The following SYT10 variants were observed in gnomAD, a reference collection of about 807,000 sequenced individuals.
SYT10 encodes synaptotagmin 10, also known as synaptotagmin-10.
Under a neutral mutation model 51.1 loss-of-function variants are expected in SYT10, and 31 were observed. That is an observed-to-expected ratio of 0.61 (90% CI 0.46 to 0.82). SYT10 has a LOEUF of 0.82. Ranked by LOEUF, SYT10 falls within the 40% of genes least tolerant of loss-of-function variation. The pLI, the probability that SYT10 is intolerant of heterozygous loss-of-function variation, is 0.00. For synonymous variants in SYT10, 233 were observed against 225.9 expected (o/e 1.03, Z -0.28); for missense variants, 603 against 634.0 (o/e 0.95, Z 0.53).
intron 2 of SYT10, among the ~76,000 whole-genome samples, chr12:33,425,615 C>T (rs1866543683): frequency 6.6e-6 from 1 of 152,106 alleles, no homozygotes. Context: ...AGCTCAAACA[C>T]AAAATGAAGT....
chr12:33,412,724 A>G lies in SYT10; in HGVS notation c.510-5368T>C, dbSNP rs1866418261. 2.6e-5 allele frequency among the ~76,000 whole-genome samples: 4 copies of G among 152,122 alleles called. No individual in the cohort carries two copies. The South Asian group carries it at 8.3e-4, about 32-fold the overall frequency. The stretch of plus-strand genomic sequence containing the variant: ...AAGACCAAAGGTAGATAAAACCACA[A>G]AGATGGGGAAAAAACAGAGCAGAAA... On this transcript the variant is annotated intron_variant, in intron 2 of 6. Transcript: ENST00000228567.
chr12:33,392,985 TAAAA>T (rs71068378), intron 3 of SYT10, among the ~76,000 whole-genome samples: 3,266 of 59,102 alleles, frequency 0.055, 84 homozygotes, highest in South Asian at 0.12. Flanking sequence ...TTTTTGCCAT[TAAAA>T]AAAAAAAAAA....
At chr12:33,388,064 T>C (rs187062609) in intron 3 of SYT10, among the ~76,000 whole-genome samples, 1 of 151,982 alleles carries the variant, frequency 6.6e-6, no homozygotes, top group South Asian at 2.1e-4. Context: ...GGGAAATTAA[T>C]AGCAGTAAGT....
At chr12:33,386,615 C>G (rs1172428918) in intron 3 of SYT10, among the ~76,000 whole-genome samples, 2 of 152,150 alleles carry the variant, frequency 1.3e-5, no homozygotes, top group Admixed American at 1.3e-4. Flanking sequence ...CATTCTGAGA[C>G]TGTACATCCT....
At chr12:33,385,386 T>C (rs558871270) in intron 3 of SYT10, 95 bp from the exon 4 acceptor site, 57 of 1,494,498 alleles carry the variant, frequency 3.8e-5, no homozygotes, top group Non-Finnish European at 4.7e-5. Flanking sequence ...TCATTTTAAA[T>C]TGTTTTATTG....
chr12:33,402,615 A>C lies in SYT10; in HGVS notation c.1077+4174T>G, dbSNP rs1287863773. ...CAGTCTTTCTTTCAATTTTAGAACT[A>C]AACTTTGTTCACAGGAAGTTCTCAG... On this transcript the variant is annotated intron_variant, in intron 3 of 6. Coordinates refer to ENST00000228567, the MANE Select transcript of SYT10 (RefSeq NM_198992.4). Among the ~76,000 whole-genome samples, 3 of 152,226 alleles carry C rather than the reference A, an allele frequency of 2.0e-5. No individual in the cohort carries two copies. In the East Asian group the frequency reaches 5.8e-4, roughly 29 times the overall value.
At chr12:33,394,859 G>A (rs1301731134) in intron 3 of SYT10, among the ~76,000 whole-genome samples, 1 of 152,174 alleles carries the variant, frequency 6.6e-6, no homozygotes, top group African/African-American at 2.4e-5. Context: ...GAGCCAAGGC[G>A]GGCAGACCAT....
chr12:33,404,116 A>G (rs1336137019), intron 3 of SYT10, among the ~76,000 whole-genome samples: 1 of 152,238 alleles, frequency 6.6e-6, no homozygotes, highest in African/African-American at 2.4e-5. Context: ...GTAGCCCCAA[A>G]GATAGGCATG....
intron 2 of SYT10, among the ~76,000 whole-genome samples, chr12:33,413,192 C>G (rs1866422987): frequency 6.6e-6 from 1 of 151,996 alleles, no homozygotes; most frequent in South Asian, 2.1e-4. Context: ...GTGAAAAGAC[C>G]AAATCTACAT....
chr12:33,391,933 C>G (rs761480898), intron 3 of SYT10, among the ~76,000 whole-genome samples: 13 of 152,126 alleles, frequency 8.5e-5, no homozygotes, highest in Non-Finnish European at 2.9e-5. Flanking sequence ...AACTAGAAAA[C>G]AAGTGACGAA....
At chr12:33,383,061 C>A (rs1230738831) in intron 4 of SYT10, among the ~76,000 whole-genome samples, 1 of 152,120 alleles carries the variant, frequency 6.6e-6, no homozygotes, top group African/African-American at 2.4e-5. Flanking sequence ...CCAAAGGGAT[C>A]AGATAATTGT....
At chr12:33,389,331 A>G (rs1866184749) in intron 3 of SYT10, among the ~76,000 whole-genome samples, 1 of 152,188 alleles carries the variant, frequency 6.6e-6, no homozygotes, top group South Asian at 2.1e-4. Context: ...TCCCAAGCAC[A>G]TGGCAAAAAT....
chr12:33,378,677 ATACAATAAGCAGTAAAGTGTAC>A (rs1866086418), intron 6 of SYT10, among the ~76,000 whole-genome samples: 1 of 152,254 alleles, frequency 6.6e-6, no homozygotes, highest in Non-Finnish European at 1.5e-5. Context: ...AATACTAATT[ATACAATAAGCAGTAAAGTGTAC>A]TTTAGACAAC....
intron 3 of SYT10, among the ~76,000 whole-genome samples, chr12:33,391,226 C>G (rs572638546): frequency 6.9e-6 from 1 of 144,922 alleles, no homozygotes; most frequent in African/African-American, 2.6e-5. Context: ...CGTGAGCCAA[C>G]GCCTGGCTGC....
intron 2 of SYT10, among the ~76,000 whole-genome samples, chr12:33,412,278 T>C (rs537810168): frequency 1.3e-5 from 2 of 152,274 alleles, no homozygotes; most frequent in Admixed American, 1.3e-4. Flanking sequence ...TTCTAGTAAG[T>C]CAGTGTCCTA....
chr12:33,386,327 T>A (rs2138388988), intron 3 of SYT10, among the ~76,000 whole-genome samples: 1 of 152,266 alleles, frequency 6.6e-6, no homozygotes, highest in Non-Finnish European at 1.5e-5. Context: ...GTCACACACA[T>A]AAGGTTTATG....
intron 3 of SYT10, among the ~76,000 whole-genome samples, chr12:33,399,670 G>C (rs1437243275): frequency 6.6e-6 from 1 of 152,144 alleles, no homozygotes; most frequent in East Asian, 1.9e-4. Flanking sequence ...GAGTTAGGCA[G>C]ATGTTAAGGC....
chr12:33,402,983 A>C (rs1218823857), intron 3 of SYT10, among the ~76,000 whole-genome samples: 5 of 152,086 alleles, frequency 3.3e-5, no homozygotes, highest in Non-Finnish European at 5.9e-5. Flanking sequence ...TGATTCTGAG[A>C]AGAATCATTA....
chr12:33,388,676 A>G (rs1866178524), intron 3 of SYT10, among the ~76,000 whole-genome samples: 1 of 152,208 alleles, frequency 6.6e-6, no homozygotes, highest in Non-Finnish European at 1.5e-5. Context: ...AGCATATGAA[A>G]AAAGGGTAAC....
Sources: allele counts gnomAD v4.1 joint callset (sites outside exome capture counted in the v4.1 genomes callset), GRCh38; gene constraint gnomAD v4.1.1; transcripts MANE v1.5; gene names NCBI Gene and HGNC (gene_info 2026-07-23, HGNC 2026-07-21).